OGDH: variants seen among roughly 807,000 people sequenced by gnomAD.
The protein encoded by OGDH is oxoglutarate dehydrogenase.
OGDH carries 38 observed loss-of-function variants against 116.6 expected under a neutral mutation model. That is an observed-to-expected ratio of 0.33 (90% CI 0.25 to 0.43). The LOEUF (loss-of-function observed/expected upper bound fraction) is 0.43. Among genes scored for constraint, OGDH ranks in the 20% least tolerant of loss-of-function variants. The pLI is 1.00. For missense variants in OGDH, 825 were observed against 1,357.2 expected (o/e 0.61, Z 6.16); for synonymous variants, 488 against 533.3 (o/e 0.92, Z 1.17).
chr7:44,641,162 A>G (rs910266111), intron 2 of OGDH, among the ~76,000 whole-genome samples: 10 of 149,254 alleles, frequency 6.7e-5, no homozygotes, highest in Non-Finnish European at 1.5e-4. Flanking sequence ...CAGCCTCCCA[A>G]AGTGCTGGGA....
At chr7:44,676,193 CA>C (rs754214512) in intron 9 of OGDH, 44 bp downstream of exon 9, 1 of 1,613,940 alleles carries the variant, frequency 6.2e-7, no homozygotes, top group African/African-American at 1.3e-5. Flanking sequence ...GTCAAGGCCC[CA>C]TGTTCCAGCA....
chr7:44,658,598 C>T (rs749271645), intron 4 of OGDH, among the ~76,000 whole-genome samples: 7 of 151,872 alleles, frequency 4.6e-5, no homozygotes, highest in Non-Finnish European at 8.8e-5. Context: ...CTTTTAGCAC[C>T]GTACTGAATA....
At chr7:44,614,612 G>C (rs1379654409) in intron 1 of OGDH, among the ~76,000 whole-genome samples, 1 of 151,810 alleles carries the variant, frequency 6.6e-6, no homozygotes, top group East Asian at 1.9e-4. Context: ...CTTTTGCTTA[G>C]TGCATTTTTC....
At chr7:44,660,920 AACT>A (rs970979273) in intron 4 of OGDH, among the ~76,000 whole-genome samples, 5 of 151,886 alleles carry the variant, frequency 3.3e-5, no homozygotes, top group African/African-American at 9.7e-5. Flanking sequence ...CCTATCTGTA[AACT>A]ACACACACAC....
intron 10 of OGDH, among the ~76,000 whole-genome samples, chr7:44,692,046 A>T (rs1050645149): frequency 1.3e-5 from 2 of 151,708 alleles, no homozygotes; most frequent in African/African-American, 4.9e-5. Context: ...TGGTAAATGG[A>T]AATTGCAGGA....
intron 2 of OGDH, among the ~76,000 whole-genome samples, chr7:44,644,842 G>A (rs1207239934): frequency 6.6e-6 from 1 of 152,182 alleles, no homozygotes; most frequent in Non-Finnish European, 1.5e-5. Context: ...GGCCTTGAGG[G>A]AGGTGTTTGA....
At position 44,616,719 on chromosome 7, in the gene OGDH, A is replaced by G. The variant is rs1023608452; in HGVS notation, c.-27-7598A>G. 2.1e-5 allele frequency among the ~76,000 whole-genome samples: 3 copies of G among 141,758 alleles called. No individual in the cohort carries two copies. The South Asian group carries it at 6.3e-4, about 30-fold the overall frequency. 93.0% of individuals were successfully genotyped at this position (141,758 alleles called of 152,430 possible). A position where few individuals can be genotyped will look rare whatever the true frequency, so the allele number is the denominator to read the frequency against. ...TATATATATACACACATGTTTATGT[A>G]TATATACACATATATACGTATATAA... On this transcript the variant is annotated intron_variant, in intron 1 of 22. Coordinates refer to ENST00000222673, the MANE Select transcript of OGDH (RefSeq NM_002541.4).
chr7:44,692,063 T>C (rs1302680227), intron 10 of OGDH, among the ~76,000 whole-genome samples: 1 of 150,840 alleles, frequency 6.6e-6, no homozygotes, highest in Non-Finnish European at 1.5e-5. Context: ...AGGATATTAA[T>C]ATGCTGCTAG....
chr7:44,695,657 C>T (rs142259038), intron 12 of OGDH, among the ~76,000 whole-genome samples: 3 of 150,352 alleles, frequency 2.0e-5, no homozygotes, highest in African/African-American at 7.4e-5. Flanking sequence ...GAGGCAAGAT[C>T]GCGCCATTGC....
chr7:44,707,718 G>C lies in OGDH; in HGVS notation c.2933G>C (p.Ser978Thr). 1 of 1,614,174 alleles carries C rather than the reference G, an allele frequency of 6.2e-7. No individual in the cohort carries two copies. Among genetic ancestry groups the C allele is most frequent in the Non-Finnish European group, 8.5e-7 (1 of 1,180,038 alleles). ...AAGCCAAGACTTCGGACCACCATCA[G>C]CCGCGCCAAGCCCGTCTGGTAAGGC... is the stretch of plus-strand genomic sequence containing the variant. The part of the protein sequence containing the change: ...YVKPRLRTTI[S>T]RAKPVWYAGR... Residue 978 changes from serine (S) to threonine (T), a missense_variant, in exon 22 of 23, where the codon AGC becomes ACC. Ser to Thr is a moderately conservative substitution (Grantham distance 58). Around this residue, in one of 7 missense-constraint regions of OGDH, gnomAD observed 212 missense variants for 284.3 expected, o/e 0.75. Transcript: ENST00000222673. The surrounding 1 kb of genome is among the most constrained non-coding windows in gnomAD (Gnocchi z 5.2).
At chr7:44,634,378 C>T (rs1234231137) in intron 2 of OGDH, among the ~76,000 whole-genome samples, 1 of 152,186 alleles carries the variant, frequency 6.6e-6, no homozygotes, top group Non-Finnish European at 1.5e-5. Flanking sequence ...ACTGGACAGC[C>T]CTCCACAGCT....
At chr7:44,612,799 A>T (rs1159582013) in intron 1 of OGDH, among the ~76,000 whole-genome samples, 1 of 151,720 alleles carries the variant, frequency 6.6e-6, no homozygotes, top group African/African-American at 2.4e-5. Flanking sequence ...AGGCTCAAGC[A>T]ATCTTGCTAC....
At chr7:44,675,557 C>T (rs1403027519) in intron 8 of OGDH, among the ~76,000 whole-genome samples, 1 of 152,096 alleles carries the variant, frequency 6.6e-6, no homozygotes, top group Non-Finnish European at 1.5e-5. Flanking sequence ...CCTCCATATC[C>T]TTCTGCGTTG....
intron 4 of OGDH, among the ~76,000 whole-genome samples, chr7:44,652,275 AT>A (rs879256857): frequency 1.7e-3 from 256 of 151,672 alleles, no homozygotes; most frequent in Middle Eastern, 3.4e-3. Flanking sequence ...TGCCCAGCTA[AT>A]TTTTTGTATT....
At chr7:44,652,324 G>A (rs1014301420) in intron 4 of OGDH, among the ~76,000 whole-genome samples, 2 of 151,284 alleles carry the variant, frequency 1.3e-5, no homozygotes, top group Admixed American at 6.6e-5. Context: ...TGGCCAGGCT[G>A]GTCTTGAACT....
In OGDH at chr7:44,641,200, CTTTTTCTTCTTTTTTT is replaced by C. The variant is rs1466515413; in HGVS notation, c.223-4121_223-4106del. 1.0e-4 allele frequency among the ~76,000 whole-genome samples: 14 copies of C among 137,838 alleles called. No homozygotes were observed. The South Asian group carries it at 1.2e-3, about 12-fold the overall frequency. The allele number at this position is 137,838 out of a possible 152,430, so 90.4% of individuals were successfully genotyped here. On this transcript the variant is annotated intron_variant, in intron 2 of 22. Transcript: ENST00000222673. ...ACAAGCATGAGCCACCAAGCCCAGC[CTTTTTCTTCTTTTTTT>C]TTTTTTTTCTTTTTTTTTTTTTTTT... is the stretch of plus-strand genomic sequence containing the variant.
rs1016195547 is a variant in OGDH, at chr7:44,674,533, A to G, written c.911A>G (p.Tyr304Cys). ...IDKSSENGVD[Y>C]VIMGMPHRGR... The stretch of plus-strand genomic sequence containing the variant: ...AAGTCTAGTGAGAATGGCGTGGACT[A>G]CGTGATCATGGGCATGCCACACAGG... The change falls in exon 7 of 23, where the codon TAC (tyrosine) becomes TGC (cysteine). Residue 304 changes from tyrosine to cysteine, a missense_variant. This residue lies in a region of OGDH where 171 missense variants were observed against 276.8 expected (regional missense o/e 0.62). Transcript: ENST00000222673. 9 of 1,614,038 alleles carry G rather than the reference A, an allele frequency of 5.6e-6. No homozygotes were observed. Among genetic ancestry groups the G allele is most frequent in the South Asian group, 1.1e-5 (1 of 91,088 alleles).
At chr7:44,641,053 C>G (rs1204444949) in intron 2 of OGDH, among the ~76,000 whole-genome samples, 4 of 150,238 alleles carry the variant, frequency 2.7e-5, no homozygotes, top group Non-Finnish European at 5.9e-5. Context: ...ACCACCACCC[C>G]CAGCTAATTT....
At chr7:44,669,458 G>A (rs1787335315) in intron 5 of OGDH, among the ~76,000 whole-genome samples, 1 of 149,696 alleles carries the variant, frequency 6.7e-6, no homozygotes, top group Admixed American at 6.6e-5. Context: ...GGCCCCAGCA[G>A]CTCATCCTTA....
Sources: allele counts gnomAD v4.1 joint callset (sites outside exome capture counted in the v4.1 genomes callset), GRCh38; gene constraint gnomAD v4.1.1; regional missense constraint gnomAD v4.1.1; non-coding constraint Gnocchi (gnomAD v3.1); transcripts MANE v1.5; gene names NCBI Gene and HGNC (gene_info 2026-07-23, HGNC 2026-07-21).